Variants in STOM observed in about 807,000 individuals in gnomAD.
STOM encodes erythrocyte band 7 integral membrane protein.
A neutral mutation model predicts 30.6 loss-of-function variants in STOM; 25 were observed. The observed-to-expected ratio is 0.82, with a 90% CI of 0.60 to 1.14. The LOEUF is 1.14. STOM is among the 50% of genes most tolerant of loss of function. STOM has a pLI of 0.00. For synonymous variants in STOM, 118 were observed against 130.8 expected, an observed-to-expected ratio of 0.90 and a Z score of 0.67; for missense variants, 292 against 365.2, an observed-to-expected ratio of 0.80 and a Z score of 1.63.
At chr9:121,366,784 T>G (rs2064507664) in intron 1 of STOM, among the ~76,000 whole-genome samples, 1 of 152,140 alleles carries the variant, frequency 6.6e-6, no homozygotes, top group Non-Finnish European at 1.5e-5. Context: ...GGACACAATC[T>G]CTATTTTCAA....
intron 1 of STOM, among the ~76,000 whole-genome samples, chr9:121,366,564 G>A (rs1051964103): frequency 1.1e-4 from 17 of 151,964 alleles, no homozygotes; most frequent in Admixed American, 2.6e-4. Context: ...TAATGGCCAT[G>A]CCCTAAAATC....
intron 6 of STOM, among the ~76,000 whole-genome samples, chr9:121,341,666 C>T (rs1450766131): frequency 6.6e-6 from 1 of 152,192 alleles, no homozygotes; most frequent in African/African-American, 2.4e-5. Flanking sequence ...GGGTAACAAA[C>T]AAAGGGATAA....
At chr9:121,346,030 G>A (rs768374915) in intron 6 of STOM, among the ~76,000 whole-genome samples, 12 of 151,672 alleles carry the variant, frequency 7.9e-5, no homozygotes, top group Non-Finnish European at 1.2e-4. Flanking sequence ...TTGCTCTGTC[G>A]CCTGGGCTGA....
chr9:121,370,159 G>A lies in STOM; in HGVS notation c.29C>T (p.Ser10Phe). The change falls in exon 1 of 7, where the codon TCC becomes TTC. Residue 10 changes from serine to phenylalanine, a missense_variant. By Grantham distance (155) the Ser-to-Phe change is radical. Coordinates refer to ENST00000286713, the MANE Select transcript of STOM (RefSeq NM_004099.6). ...GGAGTCGGGGAGCCGCTGGGCTTCG[G>A]AGTCCCGTGTGTGCCGCTTCTCGGC... MAEKRHTRD[S>F]EAQRLPDSFK... 1 of 1,547,880 alleles carries A rather than the reference G, an allele frequency of 6.5e-7. No individual in the cohort carries two copies.
chr9:121,341,647 C>T (rs2064247970), intron 6 of STOM, among the ~76,000 whole-genome samples: 1 of 152,216 alleles, frequency 6.6e-6, no homozygotes. Context: ...GCCTTTCTCC[C>T]ATTTTCCAGG....
chr9:121,348,229 G>A, intron 5 of STOM, 80 bp from the exon 6 acceptor site: 1 of 1,597,478 alleles, frequency 6.3e-7, no homozygotes, highest in African/African-American at 1.3e-5. Flanking sequence ...TTGGGATTTG[G>A]AGGAGATAAG....
In STOM at chr9:121,357,424, G is replaced by GATATATATATATATATATATATATAT. The variant is rs1156937416; in HGVS notation, c.62-1269_62-1268insATATATATATATATATATATATATAT. Among the ~76,000 whole-genome samples, 224 of 95,238 alleles carry GATATATATATATATATATATATATAT rather than the reference G, an allele frequency of 2.4e-3. 8 individuals carry two copies. The highest frequency in any genetic ancestry group is 6.4e-3 in the East Asian group (13 of 2,044). The allele number at this position is 95,238 out of a possible 152,430, so 62.5% of individuals were successfully genotyped here. A position where few individuals can be genotyped will look rare whatever the true frequency, so the allele number is the denominator to read the frequency against. ...TAGTGTACACACCATATTTTTAAAT[G>GATATATATATATATATATATATATAT]ATATATATATATATATTTATTTATT... is the stretch of plus-strand genomic sequence containing the variant. On this transcript the variant is annotated intron_variant, in intron 1 of 6. Transcript: ENST00000286713.
intron 1 of STOM, among the ~76,000 whole-genome samples, chr9:121,359,335 G>C (rs1380491285): frequency 6.6e-6 from 1 of 152,160 alleles, no homozygotes; most frequent in African/African-American, 2.4e-5. Context: ...GAGTACTTGG[G>C]TTGTATGTGA....
intron 1 of STOM, among the ~76,000 whole-genome samples, chr9:121,368,941 A>AG (rs2064533125): frequency 6.6e-6 from 1 of 152,082 alleles, no homozygotes; most frequent in African/African-American, 2.4e-5. Context: ...TCAAAAAAAA[A>AG]AAAAAAAGTG....
intron 4 of STOM, among the ~76,000 whole-genome samples, chr9:121,351,651 C>T (rs1476659868): frequency 6.6e-6 from 1 of 152,188 alleles, no homozygotes; most frequent in African/African-American, 2.4e-5. Flanking sequence ...AGCTCATGTA[C>T]AATGCATTTA....
In STOM at chr9:121,349,311, C is replaced by A; in HGVS notation, c.334G>T (p.Asp112Tyr). The A allele has an allele frequency of 1.2e-6, 2 of 1,613,914 alleles. No homozygotes were observed. Among genetic ancestry groups the A allele is most frequent in the East Asian group, 4.5e-5 (2 of 44,900 alleles). The change falls in exon 5 of 7, where the codon GAT becomes TAT. Residue 112 changes from aspartate (D) to tyrosine (Y), a missense_variant. Asp to Tyr is a radical substitution (Grantham distance 160). Transcript: ENST00000286713. The stretch of plus-strand genomic sequence containing the variant: ...CCATCCACGCTAATTGTCACTGAAT[C>A]CTTTGTGAGGATCTACAAGATGAAG... ...DIPPQEILTKDSVTISVDGVV... is the reference protein window; with the variant it reads ...DIPPQEILTKYSVTISVDGVV...
At chr9:121,361,457 C>T (rs1422440679) in intron 1 of STOM, among the ~76,000 whole-genome samples, 3 of 138,634 alleles carry the variant, frequency 2.2e-5, no homozygotes, top group African/African-American at 8.1e-5. Flanking sequence ...GGCGAGATCT[C>T]GGCTCACTGC....
intron 1 of STOM, 110 bp from the exon 2 acceptor site, chr9:121,356,266 G>A: frequency 1.2e-6 from 1 of 811,070 alleles, no homozygotes; most frequent in Non-Finnish European, 1.9e-6. Context: ...TACACCAGCT[G>A]TTTTACATGA....
At chr9:121,354,293 A>G (rs2064365459) in intron 3 of STOM, among the ~76,000 whole-genome samples, 2 of 152,220 alleles carry the variant, frequency 1.3e-5, no homozygotes, top group Non-Finnish European at 2.9e-5. Flanking sequence ...TTGTTATACA[A>G]CTCCTGCTAC....
intron 1 of STOM, among the ~76,000 whole-genome samples, chr9:121,360,066 T>C (rs1487064099): frequency 6.6e-6 from 1 of 152,186 alleles, no homozygotes; most frequent in African/African-American, 2.4e-5. Flanking sequence ...TGTCCAAGTC[T>C]CCCATAACAT....
At chr9:121,363,813 T>C (rs2064477808) in intron 1 of STOM, among the ~76,000 whole-genome samples, 1 of 152,220 alleles carries the variant, frequency 6.6e-6, no homozygotes, top group African/African-American at 2.4e-5. Context: ...GCATTTGATC[T>C]TTCTTCCAGC....
At chr9:121,366,611 G>A (rs1215586425) in intron 1 of STOM, among the ~76,000 whole-genome samples, 1 of 151,944 alleles carries the variant, frequency 6.6e-6, no homozygotes, top group African/African-American at 2.4e-5. Flanking sequence ...TAAAATAAAT[G>A]GTAAACAGAA....
At chr9:121,355,943 AAGAG>A in intron 2 of STOM, 106 bp downstream of exon 2, 1 of 661,330 alleles carries the variant, frequency 1.5e-6, no homozygotes, top group South Asian at 3.1e-5. Context: ...TAAGAATTAT[AAGAG>A]AGAGAGACAG....
In STOM at chr9:121,370,137, G is replaced by T; in HGVS notation, c.51C>A (p.Asp17Glu). The T allele has an allele frequency of 6.5e-7, 1 of 1,545,710 alleles. No individual in the cohort carries two copies. Residue 17 changes from aspartate (D) to glutamate (E), a missense_variant, in exon 1 of 7, where the codon GAC becomes GAA. Transcript: ENST00000286713. ...TRDSEAQRLP[D>E]SFKDSPSKGL... Reference sequence around the variant, plus strand: ...GGACGCGGGACTCACCCTTGAAGGAGTCGGGGAGCCGCTGGGCTTCGGAGT... The same window carrying T: ...GGACGCGGGACTCACCCTTGAAGGATTCGGGGAGCCGCTGGGCTTCGGAGT...
Sources: gnomAD v4.1 joint callset for allele counts (sites outside exome capture counted in the v4.1 genomes callset) on GRCh38, gnomAD v4.1.1 for gene constraint, MANE v1.5 for transcripts, NCBI Gene and HGNC (gene_info 2026-07-23, HGNC 2026-07-21) for gene names.